ESRRG: variants seen among roughly 807,000 people sequenced by gnomAD.
The protein encoded by ESRRG is estrogen related receptor gamma, also known as estrogen-related receptor gamma.
Under a neutral mutation model 44.0 loss-of-function variants are expected in ESRRG, and 13 were observed. The observed-to-expected ratio is 0.30, with a 90% CI of 0.19 to 0.47. The LOEUF is 0.47. Ranked by LOEUF, ESRRG falls within the 20% of genes least tolerant of loss-of-function variation. ESRRG has a pLI of 1.00. For missense variants in ESRRG, 395 were observed against 580.6 expected (o/e 0.68, Z 3.29); for synonymous variants, 215 against 214.6 (o/e 1.00, Z -0.02).
At chr1:216,523,088 G>C (rs1306107635) in intron 5 of ESRRG, among the ~76,000 whole-genome samples, 1 of 152,120 alleles carries the variant, frequency 6.6e-6, no homozygotes, top group African/African-American at 2.4e-5. Flanking sequence ...AGTTTTAAAT[G>C]TTCAGCCATA....
chr1:216,657,834 G>A (rs71643419), intron 2 of ESRRG, among the ~76,000 whole-genome samples: 1 of 152,122 alleles, frequency 6.6e-6, no homozygotes, highest in Non-Finnish European at 1.5e-5. Flanking sequence ...TAAAAAATGA[G>A]GTGGGGGAGA....
rs532080455 is a variant in ESRRG, at chr1:216,871,285, T to C, written c.-14+68297A>G. Reference sequence around the variant, plus strand: ...GTTGTCAAATATTTGTTCAGACATTTTCCTATCTTTCTCTTATTCACTTAT... The same window carrying C: ...GTTGTCAAATATTTGTTCAGACATTCTCCTATCTTTCTCTTATTCACTTAT... On this transcript the variant is annotated intron_variant, in intron 2 of 7. Coordinates refer to the ESRRG transcript ENST00000359162. Among the ~76,000 whole-genome samples, 42 of 152,178 alleles carry C rather than the reference T, an allele frequency of 2.8e-4. 1 individual carries two copies. In the South Asian group the frequency reaches 7.7e-3, roughly 28 times the overall value.
At chr1:217,110,230 G>T (rs539545130) in intron 1 of ESRRG, among the ~76,000 whole-genome samples, 8 of 152,196 alleles carry the variant, frequency 5.3e-5, no homozygotes, top group African/African-American at 1.9e-4. Flanking sequence ...ACACTGAAAA[G>T]CAACTACTAG....
At chr1:216,828,301 G>A (rs1226332573) in intron 2 of ESRRG, among the ~76,000 whole-genome samples, 1 of 152,096 alleles carries the variant, frequency 6.6e-6, no homozygotes, top group Non-Finnish European at 1.5e-5. Context: ...TTTTTGTTTG[G>A]TTGGTTTGGG....
intron 5 of ESRRG, among the ~76,000 whole-genome samples, chr1:216,530,904 T>C (rs1290469065): frequency 6.6e-6 from 1 of 152,140 alleles, no homozygotes; most frequent in African/African-American, 2.4e-5. Flanking sequence ...TGTCTTACTA[T>C]TACTAGTTAC....
intron 1 of ESRRG, among the ~76,000 whole-genome samples, chr1:217,125,079 T>G (rs1415606919): frequency 6.6e-6 from 1 of 152,224 alleles, no homozygotes; most frequent in Non-Finnish European, 1.5e-5. Context: ...AGCTCAGGGC[T>G]GATCTGTATC....
At chr1:216,919,317 C>T (rs188072584) in intron 2 of ESRRG, among the ~76,000 whole-genome samples, 1 of 152,112 alleles carries the variant, frequency 6.6e-6, no homozygotes, top group East Asian at 1.9e-4. Flanking sequence ...AAAATGTCAT[C>T]CATGTGGCAC....
At chr1:216,852,682 T>C (rs1174321335) in intron 2 of ESRRG, among the ~76,000 whole-genome samples, 1 of 152,182 alleles carries the variant, frequency 6.6e-6, no homozygotes, top group Non-Finnish European at 1.5e-5. Context: ...TCAATAATCA[T>C]AGAAGTTTTG....
chr1:216,603,165 C>T (rs146703517), intron 3 of ESRRG, among the ~76,000 whole-genome samples: 97 of 152,260 alleles, frequency 6.4e-4, no homozygotes, highest in African/African-American at 2.3e-3. Flanking sequence ...GCTGAAATGA[C>T]ATTTTTGAAT....
chr1:216,872,223 AT>A (rs61238881), intron 2 of ESRRG, among the ~76,000 whole-genome samples: 47 of 151,864 alleles, frequency 3.1e-4, no homozygotes, highest in Non-Finnish European at 5.9e-4. Context: ...CTTGTTCAAG[AT>A]TTTTTTTGTC....
chr1:216,703,206 G>C (rs1031579918), intron 1 of ESRRG, among the ~76,000 whole-genome samples: 1 of 152,124 alleles, frequency 6.6e-6, no homozygotes, highest in Non-Finnish European at 1.5e-5. Context: ...AACATGTGCA[G>C]GGGTGTCCAA....
intron 1 of ESRRG, among the ~76,000 whole-genome samples, chr1:217,027,414 C>T (rs1216783490): frequency 1.3e-5 from 2 of 152,148 alleles, no homozygotes; most frequent in Non-Finnish European, 2.9e-5. Context: ...CCCTTACAAA[C>T]CACCCTTACA....
chr1:217,120,634 T>C (rs1455800170), intron 1 of ESRRG, among the ~76,000 whole-genome samples: 1 of 152,142 alleles, frequency 6.6e-6, no homozygotes, highest in Non-Finnish European at 1.5e-5. Flanking sequence ...ACAGCCCCAT[T>C]GAACTAGGTT....
At chr1:216,978,306 T>C (rs757512666) in intron 1 of ESRRG, among the ~76,000 whole-genome samples, 4 of 152,210 alleles carry the variant, frequency 2.6e-5, no homozygotes, top group Non-Finnish European at 4.4e-5. Flanking sequence ...TGCACTATAA[T>C]GGCAGAGTTG....
At chr1:217,066,258 T>TTC (rs1553269071) in intron 1 of ESRRG, among the ~76,000 whole-genome samples, 1 of 83,714 alleles carries the variant, frequency 1.2e-5, no homozygotes, top group African/African-American at 4.1e-5. Flanking sequence ...TTCTTTTCTT[T>TTC]TTTTTTTTTT....
At chr1:216,798,248 C>T (rs2094525562) in intron 2 of ESRRG, among the ~76,000 whole-genome samples, 1 of 152,144 alleles carries the variant, frequency 6.6e-6, no homozygotes, top group Admixed American at 6.5e-5. Flanking sequence ...CAAACAGACA[C>T]AGTCCCTGAG....
At chr1:216,975,344 G>A (rs2072645672) in intron 1 of ESRRG, among the ~76,000 whole-genome samples, 1 of 152,158 alleles carries the variant, frequency 6.6e-6, no homozygotes, top group South Asian at 2.1e-4. Context: ...GACATGGAAA[G>A]GGGAAGACAA....
At chr1:217,108,893 T>G (rs979199407) in intron 1 of ESRRG, among the ~76,000 whole-genome samples, 6 of 152,144 alleles carry the variant, frequency 3.9e-5, no homozygotes, top group Non-Finnish European at 7.3e-5. Context: ...GTTCTGCTCA[T>G]CTTTGCAGAA....
intron 2 of ESRRG, among the ~76,000 whole-genome samples, chr1:216,845,582 C>A (rs2095731790): frequency 6.6e-6 from 1 of 152,120 alleles, no homozygotes; most frequent in Admixed American, 6.6e-5. Context: ...CTGTTCTGTG[C>A]CCTTTCCTGG....
Sources: gnomAD v4.1 joint callset for allele counts (sites outside exome capture counted in the v4.1 genomes callset) on GRCh38, gnomAD v4.1.1 for gene constraint, MANE v1.5 for transcripts, NCBI Gene and HGNC (gene_info 2026-07-23, HGNC 2026-07-21) for gene names.